The following SYNE2 variants were observed in gnomAD, a reference collection of about 807,000 sequenced individuals.
The protein encoded by SYNE2 is nesprin-2.
In SYNE2, 431 loss-of-function variants were observed where a neutral mutation model predicts 856.3. The ratio of observed to expected loss-of-function variants is 0.50; its 90% confidence interval spans 0.47 to 0.55. The LOEUF (loss-of-function observed/expected upper bound fraction) is 0.55. Among genes scored for constraint, SYNE2 ranks in the 20% least tolerant of loss-of-function variants. The pLI is 0.00. For missense variants in SYNE2, 8,129 were observed against 8,023.2 expected (o/e 1.01, Z -0.50); for synonymous variants, 2,923 against 2,872.3 (o/e 1.02, Z -0.56).
Position 64,186,582 on chromosome 14 carries a change from A to T in SYNE2, c.17712+3A>T. 1 of 1,614,176 alleles carries T rather than the reference A, an allele frequency of 6.2e-7. No homozygotes were observed. Among genetic ancestry groups the T allele is most frequent in the Non-Finnish European group, 8.5e-7 (1 of 1,180,012 alleles). On this transcript the variant is annotated splice_donor_region_variant and intron_variant, in intron 97 of 115. Transcript: ENST00000555002. ...AATGGGAGGACCTCTGCTTAAGGGT[A>T]AGTCAGCTCACTGCAGGGCACGGCT...
chr14:63,808,606 A>C (rs1888481469), intron 1 of SYNE2: 1 of 152,506 alleles, frequency 6.6e-6, no homozygotes, highest in African/African-American at 2.4e-5. Context: ...ACTGGGCATG[A>C]CCAGCTCTCA....
Position 63,983,892 on chromosome 14 carries a change from A to G in SYNE2, c.2151+6A>G. 1.3e-6 allele frequency: 2 copies of G among 1,487,196 alleles called. No individual in the cohort carries two copies. The highest frequency in any genetic ancestry group is 1.9e-6 in the Non-Finnish European group (2 of 1,075,606). The allele number at this position is 1,487,196 out of a possible 1,614,324, so 92.1% of individuals were successfully genotyped here. A position where few individuals can be genotyped will look rare whatever the true frequency, so the allele number is the denominator to read the frequency against. On this transcript the variant is annotated splice_donor_region_variant and intron_variant, in intron 18 of 115. Transcript: ENST00000555002. ...ATTATAATCAAAATATAAAGGTAAA[A>G]TAATCATACTTTGTATATTTCACTT...
In SYNE2 at chr14:64,010,047, A is replaced by G. The variant is rs778764325; in HGVS notation, c.4659A>G (p.Lys1553=). The G allele has an allele frequency of 6.2e-7, 1 of 1,614,138 alleles. No individual in the cohort carries two copies. Among genetic ancestry groups the G allele is most frequent in the South Asian group, 1.1e-5 (1 of 91,078 alleles). ...GCATCTTGACAACTTTGATTCAAAA[A>G]GAAGAGAGTGTCATCTCCCTGCAGG... ...FKSILTTLIQ[K]EESVISLQAS... is the part of the protein sequence containing the mutation. Residue 1553 remains lysine (K), a synonymous_variant, in exon 32 of 116, where the codon AAA becomes AAG. Transcript: ENST00000555002.
At chr14:63,790,619 T>C (rs564546307) in intron 1 of SYNE2, among the ~76,000 whole-genome samples, 3 of 152,262 alleles carry the variant, frequency 2.0e-5, no homozygotes, top group South Asian at 2.1e-4. Context: ...TATACAGTAG[T>C]TTCTTATCAA....
At chr14:63,978,792 G>T (rs2153470836) in intron 13 of SYNE2, 60 bp from the exon 14 acceptor site, 2 of 1,439,256 alleles carry the variant, frequency 1.4e-6, no homozygotes, top group Non-Finnish European at 9.7e-7. Flanking sequence ...ATGCTGAACA[G>T]ATTTCTCACA....
intron 57 of SYNE2, chr14:64,084,959 A>G (rs2097549155): frequency 1.3e-5 from 9 of 702,288 alleles, no homozygotes; most frequent in Non-Finnish European, 2.3e-5. Context: ...ATCTGCTTCT[A>G]CTTACAGACA....
chr14:64,070,703 A>T lies in SYNE2; in HGVS notation c.10490A>T (p.Lys3497Ile). 3.1e-6 allele frequency: 5 copies of T among 1,614,082 alleles called. No homozygotes were observed. Among genetic ancestry groups the T allele is most frequent in the Non-Finnish European group, 4.2e-6 (5 of 1,180,018 alleles). ...NLQEELPEIS[K>I]TKEAATTEEL... The stretch of plus-strand genomic sequence containing the variant: ...CAGGAAGAACTCCCTGAAATTTCCA[A>T]AACAAAAGAGGCAGCCACCACAGAG... The change falls in exon 52 of 116, where the codon AAA (lysine) becomes ATA (isoleucine). Residue 3497 changes from lysine (K) to isoleucine (I), a missense_variant. Physicochemically the swap from Lys to Ile is moderately radical, Grantham distance 102. Around this residue, in one of 3 missense-constraint regions of SYNE2, gnomAD observed 5,410 missense variants for 5,284.8 expected, o/e 1.02. Transcript: ENST00000555002.
chr14:64,167,533 A>C lies in SYNE2; in HGVS notation c.16799A>C (p.Tyr5600Ser), dbSNP rs1206622396. The part of the protein sequence containing the change: ...QGIGLNEKFL[Y>S]CCEKWIQLLE... The stretch of plus-strand genomic sequence containing the variant: ...ATTGGATTGAATGAAAAGTTTCTTT[A>C]TTGCTGTGAAAAGTGGATCCAACTT... Residue 5600 changes from tyrosine to serine, a missense_variant, in exon 92 of 116, where the codon TAT becomes TCT. By Grantham distance (144) the Tyr-to-Ser change is moderately radical. Transcript: ENST00000555002. 1 of 1,614,106 alleles carries C rather than the reference A, an allele frequency of 6.2e-7. No homozygotes were observed.
At chr14:63,766,900 G>A (rs1167431690) in intron 1 of SYNE2, among the ~76,000 whole-genome samples, 1 of 151,970 alleles carries the variant, frequency 6.6e-6, no homozygotes, top group Admixed American at 6.6e-5. Flanking sequence ...GAGGAGACAG[G>A]GATGAGTAAA....
At chr14:63,919,934 C>T (rs1203827558) in intron 2 of SYNE2, among the ~76,000 whole-genome samples, 2 of 143,536 alleles carry the variant, frequency 1.4e-5, no homozygotes, top group African/African-American at 5.4e-5. Context: ...AGAAACTTTG[C>T]TGTAAAACAG....
Position 63,776,359 on chromosome 14 carries a change from C to T in SYNE2, c.-305+14373C>T, listed in dbSNP as rs554039052. On this transcript the variant is annotated intron_variant, in intron 1 of 23. Coordinates refer to the SYNE2 transcript ENST00000674003. ...AGTAATATCTACTGTGAATAGCACA[C>T]ATTTCTCAGCACAAATCTCTTTGCC... Among the ~76,000 whole-genome samples, 6 of 152,256 alleles carry T rather than the reference C, an allele frequency of 3.9e-5. No homozygotes were observed. In the East Asian group the frequency reaches 1.2e-3, roughly 29 times the overall value.
intron 89 of SYNE2, among the ~76,000 whole-genome samples, chr14:64,164,087 C>CTTGCTTATTTATTTATTTAT (rs368903265): frequency 1.5e-5 from 2 of 137,838 alleles, no homozygotes; most frequent in East Asian, 2.1e-4. Flanking sequence ...GCCTGGCTTG[C>CTTGCTTATTTATTTATTTAT]TTATTTATTT....
intron 1 of SYNE2, among the ~76,000 whole-genome samples, chr14:63,903,565 A>G (rs2095365968): frequency 6.6e-6 from 1 of 152,178 alleles, no homozygotes; most frequent in South Asian, 2.1e-4. Flanking sequence ...CTGGGTTTGA[A>G]CAATCCTCCC....
intron 84 of SYNE2, among the ~76,000 whole-genome samples, chr14:64,149,995 T>C (rs1468862097): frequency 1.4e-5 from 2 of 145,410 alleles, no homozygotes; most frequent in Non-Finnish European, 3.0e-5. Flanking sequence ...CCATGGCTTT[T>C]TTTTTTCTTT....
rs761846203 is a variant in SYNE2, at chr14:64,146,201, A to G, written c.15617A>G (p.Gln5206Arg). 1.2e-6 allele frequency: 2 copies of G among 1,612,300 alleles called. No individual in the cohort carries two copies. Among genetic ancestry groups the G allele is most frequent in the South Asian group, 1.1e-5 (1 of 90,664 alleles). The change falls in exon 84 of 116, where the codon CAG becomes CGG. Residue 5206 changes from glutamine to arginine, a missense_variant. Physicochemically the swap from Gln to Arg is conservative, Grantham distance 43 (BLOSUM62 1). This residue lies in a region of SYNE2 where 5,410 missense variants were observed against 5,284.8 expected (regional missense o/e 1.02). Transcript: ENST00000555002. ...AAACCTGAAAGTGTGATCTCAGTGC[A>G]GAAGCTGCTCCTGGACTGTCAGGTG... ...LQKPESVISV[Q>R]KLLLDCQDIE...
intron 1 of SYNE2, among the ~76,000 whole-genome samples, chr14:63,908,149 C>T (rs542638135): frequency 3.3e-5 from 5 of 152,218 alleles, no homozygotes; most frequent in South Asian, 2.1e-4. Flanking sequence ...TTTAGTTCCA[C>T]GCCGCCCCCT....
chr14:63,892,138 C>T (rs1197247614), intron 1 of SYNE2, among the ~76,000 whole-genome samples: 1 of 152,042 alleles, frequency 6.6e-6, no homozygotes, highest in Non-Finnish European at 1.5e-5. Context: ...AAATAACAAT[C>T]CTTCATCAGT....
In SYNE2 at chr14:64,212,117, C is replaced by T. The variant is rs1420743768; in HGVS notation, c.18861+19C>T. ...ACTGAATGTGAGGGCTGCTGCTTCC[C>T]TAGCTCTTCTCAAAAGAACACACCT... On this transcript the variant is annotated intron_variant, in intron 104 of 115. Transcript: ENST00000555002. The T allele has an allele frequency of 3.7e-6, 6 of 1,613,674 alleles. No homozygotes were observed. Among genetic ancestry groups the T allele is most frequent in the Non-Finnish European group, 5.1e-6 (6 of 1,179,996 alleles).
chr14:63,795,388 G>C (rs561586763), intron 1 of SYNE2, among the ~76,000 whole-genome samples: 3 of 152,236 alleles, frequency 2.0e-5, no homozygotes, highest in East Asian at 1.9e-4. Context: ...TCAGACTCCA[G>C]GTTCTTCAGT....
Sources: gnomAD v4.1 joint callset for allele counts (sites outside exome capture counted in the v4.1 genomes callset) on GRCh38, gnomAD v4.1.1 for gene constraint, gnomAD v4.1.1 regional missense constraint, MANE v1.5 for transcripts, NCBI Gene and HGNC (gene_info 2026-07-23, HGNC 2026-07-21) for gene names.